PES1: variants seen among roughly 807,000 people sequenced by gnomAD.
The protein encoded by PES1 is pescadillo ribosomal biogenesis factor 1.
In PES1, 31 loss-of-function variants were observed where a neutral mutation model predicts 77.1. The ratio of observed to expected loss-of-function variants is 0.40; its 90% confidence interval spans 0.30 to 0.54. The LOEUF is 0.54. Among genes scored for constraint, PES1 ranks in the 20% least tolerant of loss-of-function variants. The pLI, the probability that PES1 is intolerant of heterozygous loss-of-function variation, is 0.45. For missense variants in PES1, 658 were observed against 771.7 expected (o/e 0.85, Z 1.75); for synonymous variants, 282 against 303.0 (o/e 0.93, Z 0.72).
At chr22:30,601,171 G>A (rs571616872) in intron 2 of PES1, among the ~76,000 whole-genome samples, 13 of 152,236 alleles carry the variant, frequency 8.5e-5, no homozygotes, top group Admixed American at 7.2e-4. Flanking sequence ...TCAAAGGGAG[G>A]GGAATTAGAC....
upstream of PES1, among the ~76,000 whole-genome samples, chr22:30,596,250 C>A (rs1187027638): frequency 6.6e-6 from 1 of 152,154 alleles, no homozygotes; most frequent in African/African-American, 2.4e-5. Context: ...TAATTCAAGG[C>A]TACCTGGAGA....
At chr22:30,594,380 C>T (rs908476735), upstream of PES1, among the ~76,000 whole-genome samples, 1 of 151,740 alleles carries the variant, frequency 6.6e-6, no homozygotes, top group Non-Finnish European at 1.5e-5. Flanking sequence ...ATTGTCTGGG[C>T]GTGGTGATGC....
upstream of PES1, among the ~76,000 whole-genome samples, chr22:30,593,021 G>T (rs1040312924): frequency 6.6e-6 from 1 of 151,458 alleles, no homozygotes; most frequent in Non-Finnish European, 1.5e-5. Flanking sequence ...GTTCGAAGAT[G>T]ATCTCAAAAG....
rs572332074 is a variant in PES1 at position 30,604,579 on chromosome 22, G to A, written c.-661+882C>T. ...ACCCGGGAGGAGGGTGTAGTGAGCC[G>A]AGATCATGCCATTGCACTCCAGCCT... On this transcript the variant is annotated intron_variant, in intron 2 of 16. Transcript: ENST00000402281. Among the ~76,000 whole-genome samples, 333 of 151,988 alleles carry A rather than the reference G, an allele frequency of 2.2e-3. 1 individual carries two copies. The highest frequency in any genetic ancestry group is 3.3e-3 in the Non-Finnish European group (225 of 67,988).
chr22:30,583,249 G>A (rs2146465748), intron 6 of PES1, among the ~76,000 whole-genome samples: 1 of 152,314 alleles, frequency 6.6e-6, no homozygotes, highest in East Asian at 1.9e-4. Flanking sequence ...AGGGACTGCT[G>A]AGGGCCAAGC....
chr22:30,602,037 C>G (rs5753226), intron 2 of PES1: 1 of 152,280 alleles, frequency 6.6e-6, no homozygotes, highest in East Asian at 1.9e-4. Flanking sequence ...TCCCAAAGTG[C>G]TGGGATTACA....
In PES1 at chr22:30,584,528, G is replaced by T; in HGVS notation, c.540+18C>A. 6.2e-7 allele frequency: 1 copy of T among 1,609,096 alleles called. No homozygotes were observed. The highest frequency in any genetic ancestry group is 8.5e-7 in the Non-Finnish European group (1 of 1,177,642). ...GAGGGGGCAGGGTGGGATGCCAGCCGGGCAGTCCCAGGCTCACCTTGCGCA... is the reference window on the plus strand; with the variant it reads ...GAGGGGGCAGGGTGGGATGCCAGCCTGGCAGTCCCAGGCTCACCTTGCGCA... On this transcript the variant is annotated intron_variant, in intron 5 of 14. Coordinates refer to ENST00000354694, the MANE Select transcript of PES1 (RefSeq NM_014303.4).
At chr22:30,584,505 G>A (rs200135833) in intron 5 of PES1, 41 bp downstream of exon 5, 3 of 1,609,120 alleles carry the variant, frequency 1.9e-6, no homozygotes, top group African/African-American at 2.7e-5. Flanking sequence ...TGGCAGGAGA[G>A]GGGGCAGGGT....
intron 14 of PES1, 85 bp from the exon 15 acceptor site, chr22:30,577,214 A>C: frequency 8.8e-7 from 1 of 1,136,872 alleles, no homozygotes; most frequent in Non-Finnish European, 1.3e-6. Context: ...TATCCCTTAA[A>C]AGCAGAGCTT....
Position 30,581,364 on chromosome 22 carries a change from G to C in PES1, c.792C>G (p.Thr264=), listed in dbSNP as rs147488340. ...TACAACTCTCGGAGTCCAACGCGTA[G>C]GTGCCCTCACCGGCCTTTGCCTCTG... The part of the protein sequence containing the change: ...AQAEAKAGEG[T]YALDSESCME... The change falls in exon 8 of 15, where the codon ACC becomes ACG. Residue 264 remains threonine (T), a synonymous_variant. Coordinates refer to ENST00000354694, the MANE Select transcript of PES1 (RefSeq NM_014303.4). The C allele has an allele frequency of 1.1e-5, 17 of 1,613,868 alleles. No homozygotes were observed. Among genetic ancestry groups the C allele is most frequent in the Non-Finnish European group, 1.4e-5 (16 of 1,180,038 alleles).
At chr22:30,579,424 A>T in intron 12 of PES1, 121 bp from the exon 13 acceptor site, 1 of 1,508,224 alleles carries the variant, frequency 6.6e-7, no homozygotes, top group East Asian at 2.3e-5. Context: ...CAGTTCAGGG[A>T]TGTCCCAATT....
At chr22:30,596,205 T>C (rs1012449348), upstream of PES1, among the ~76,000 whole-genome samples, 9 of 152,360 alleles carry the variant, frequency 5.9e-5, no homozygotes, top group Middle Eastern at 3.4e-3. Context: ...TTGACTTTTC[T>C]ACTGGTGTTG....
At chr22:30,606,352 C>T (rs2087442393) in intron 1 of PES1, among the ~76,000 whole-genome samples, 3 of 151,964 alleles carry the variant, frequency 2.0e-5, no homozygotes, top group African/African-American at 7.3e-5. Flanking sequence ...TGCCTCAGCC[C>T]CCCAAGTAGC....
At chr22:30,580,749 C>G (rs373644713) in intron 9 of PES1, 48 bp from the exon 10 acceptor site, 5 of 1,608,916 alleles carry the variant, frequency 3.1e-6, no homozygotes, top group Non-Finnish European at 4.2e-6. Context: ...TGCCCACCCC[C>G]ACTGGAGGGC....
intron 2 of PES1, among the ~76,000 whole-genome samples, chr22:30,598,073 CG>C (rs764125502): frequency 6.1e-4 from 93 of 151,880 alleles, no homozygotes; most frequent in Non-Finnish European, 1.1e-3. Flanking sequence ...TTAGTAGAGA[CG>C]GGGTTTCACC....
At chr22:30,584,195 C>T (rs114808581) in intron 6 of PES1, 170 bp downstream of exon 6, 14 of 628,348 alleles carry the variant, frequency 2.2e-5, no homozygotes, top group African/African-American at 1.4e-4. Flanking sequence ...CTTAGGCTCC[C>T]GCTCTTAATG....
intron 14 of PES1, among the ~76,000 whole-genome samples, chr22:30,577,977 T>C (rs1406382601): frequency 6.6e-6 from 1 of 152,214 alleles, no homozygotes; most frequent in Non-Finnish European, 1.5e-5. Context: ...GTCCATATTA[T>C]GGTTAAATGA....
At chr22:30,590,050 C>T (rs981518247) in intron 1 of PES1, among the ~76,000 whole-genome samples, 9 of 152,200 alleles carry the variant, frequency 5.9e-5, no homozygotes, top group Non-Finnish European at 1.3e-4. Context: ...CACAGCTTCT[C>T]CCCTTCCTCA....
chr22:30,606,228 T>TTTTTA lies in PES1; in HGVS notation c.-718+576_-718+580dup, dbSNP rs1198090664. 3.9e-5 allele frequency among the ~76,000 whole-genome samples: 6 copies of TTTTTA among 152,068 alleles called. No homozygotes were observed. The East Asian group carries it at 5.8e-4, about 15-fold the overall frequency. On this transcript the variant is annotated intron_variant, in intron 1 of 16. Coordinates refer to the PES1 transcript ENST00000402281. ...TTTGTGTCTCGATTCAATCTCATTC[T>TTTTTA]TTTTATTTTATTTTATTTTTGAGAC... is the stretch of plus-strand genomic sequence containing the variant.
Sources: allele counts gnomAD v4.1 joint callset (sites outside exome capture counted in the v4.1 genomes callset), GRCh38; gene constraint gnomAD v4.1.1; transcripts MANE v1.5; gene names NCBI Gene and HGNC (gene_info 2026-07-23, HGNC 2026-07-21).